The following CDYL2 variants were observed in gnomAD, a reference collection of about 807,000 sequenced individuals.
The protein encoded by CDYL2 is chromodomain Y like 2.
In CDYL2, 23 loss-of-function variants were observed where a neutral mutation model predicts 49.4. That is an observed-to-expected ratio of 0.47 (90% CI 0.34 to 0.66). CDYL2 has a LOEUF of 0.66. Among genes scored for constraint, CDYL2 ranks in the 30% least tolerant of loss-of-function variants. CDYL2 has a pLI of 0.01. For synonymous variants in CDYL2, 360 were observed against 268.8 expected (o/e 1.34, Z -3.32); for missense variants, 678 against 656.4 (o/e 1.03, Z -0.36).
chr16:80,655,003 C>T (rs780343365), intron 2 of CDYL2, among the ~76,000 whole-genome samples: 2 of 152,216 alleles, frequency 1.3e-5, no homozygotes, highest in African/African-American at 2.4e-5. Context: ...GCGGCCCAGG[C>T]AGATCCAGGG....
intron 2 of CDYL2, among the ~76,000 whole-genome samples, chr16:80,657,466 C>A (rs1318781838): frequency 6.6e-6 from 1 of 152,030 alleles, no homozygotes; most frequent in Non-Finnish European, 1.5e-5. Context: ...AAAAAATGAA[C>A]AAAAGACAGA....
intron 3 of CDYL2, among the ~76,000 whole-genome samples, chr16:80,622,411 C>T (rs1292138419): frequency 2.0e-5 from 3 of 152,114 alleles, no homozygotes; most frequent in Non-Finnish European, 4.4e-5. Context: ...TCTCCTCCCC[C>T]TATTCTCCCT....
In CDYL2 at chr16:80,612,762, C is replaced by T. The variant is rs1364579076; in HGVS notation, c.1082G>A (p.Gly361Asp). 1.2e-6 allele frequency: 2 copies of T among 1,613,692 alleles called. No individual in the cohort carries two copies. The highest frequency in any genetic ancestry group is 2.2e-5 in the East Asian group (1 of 44,894). Residue 361 changes from glycine (G) to aspartate (D), a missense_variant, in exon 5 of 7, where the codon GGT becomes GAT. Physicochemically the swap from Gly to Asp is moderately conservative, Grantham distance 94. Transcript: ENST00000570137. This position sits in a 1 kb window ranked among gnomAD's most constrained non-coding sequence, Gnocchi z 5.0. ...GTCACAGAGGGGCAGGATGGAGGCA[C>T]CCAGGCCCAGGGCCGGCCCATTGAT... ...VAINGPALGL[G>D]ASILPLCDIV...
chr16:80,652,593 G>C (rs1226611505), intron 2 of CDYL2, among the ~76,000 whole-genome samples: 1 of 152,206 alleles, frequency 6.6e-6, no homozygotes, highest in Non-Finnish European at 1.5e-5. Context: ...CATCCCAAGA[G>C]CACAGTGTGT....
intron 1 of CDYL2, among the ~76,000 whole-genome samples, chr16:80,719,887 G>A (rs560499743): frequency 6.6e-6 from 1 of 152,300 alleles, no homozygotes; most frequent in Middle Eastern, 3.4e-3. Context: ...GCTACCTGCT[G>A]TCCAACCCTG....
chr16:80,631,118 C>G (rs1271327654), intron 3 of CDYL2, among the ~76,000 whole-genome samples: 2 of 152,224 alleles, frequency 1.3e-5, no homozygotes, highest in Non-Finnish European at 2.9e-5. Flanking sequence ...AAGAACAGAA[C>G]CCCTGCCCTC....
chr16:80,784,872 G>A (rs563463892), intron 1 of CDYL2, among the ~76,000 whole-genome samples: 1 of 152,292 alleles, frequency 6.6e-6, no homozygotes, highest in South Asian at 2.1e-4. Context: ...GGCATCCTTA[G>A]TGAAACAAGG....
intron 2 of CDYL2, among the ~76,000 whole-genome samples, chr16:80,637,161 C>T (rs1029404544): frequency 1.3e-5 from 2 of 151,764 alleles, no homozygotes; most frequent in African/African-American, 2.4e-5. Flanking sequence ...ATGTAACAAA[C>T]CTGCACGTTC....
At chr16:80,697,556 T>G (rs1904281327) in intron 1 of CDYL2, among the ~76,000 whole-genome samples, 1 of 152,274 alleles carries the variant, frequency 6.6e-6, no homozygotes, top group South Asian at 2.1e-4. Flanking sequence ...AACATAGTAT[T>G]GGAAGTCCTA....
chr16:80,765,470 C>A (rs1051126181), intron 1 of CDYL2, among the ~76,000 whole-genome samples: 4 of 151,496 alleles, frequency 2.6e-5, no homozygotes, highest in Non-Finnish European at 4.4e-5. Context: ...AGCAATTATA[C>A]CCCCAATTAA....
chr16:80,639,032 T>C (rs1293918896), intron 2 of CDYL2, among the ~76,000 whole-genome samples: 1 of 152,172 alleles, frequency 6.6e-6, no homozygotes, highest in Non-Finnish European at 1.5e-5. Flanking sequence ...AATTTTAAAA[T>C]GGGCAAAAGA....
chr16:80,608,123 C>T lies in CDYL2; in HGVS notation c.1331G>A (p.Arg444Gln), dbSNP rs1168038281. Reference sequence around the variant, plus strand: ...ACTGCAGGATGCCATCTCCTTGACCCGCAGCATGACCTCCTGGCTGAACGT... The same window carrying T: ...ACTGCAGGATGCCATCTCCTTGACCTGCAGCATGACCTCCTGGCTGAACGT... The part of the protein sequence containing the change: ...PTTFSQEVML[R>Q]VKEMASCSAV... Residue 444 changes from arginine to glutamine, a missense_variant, in exon 6 of 7, where the codon CGG becomes CAG. Arg to Gln is a conservative substitution (Grantham distance 43). Around this residue, in one of 3 missense-constraint regions of CDYL2, gnomAD observed 153 missense variants for 150.6 expected, o/e 1.02. Transcript: ENST00000570137. 1 of 1,602,308 alleles carries T rather than the reference C, an allele frequency of 6.2e-7. No homozygotes were observed. The highest frequency in any genetic ancestry group is 8.5e-7 in the Non-Finnish European group (1 of 1,174,522).
chr16:80,714,971 G>A (rs17826509), intron 1 of CDYL2, among the ~76,000 whole-genome samples: 39,141 of 151,960 alleles, frequency 0.26, 6,450 homozygotes, highest in Middle Eastern at 0.48. Context: ...CATGACCAGA[G>A]CTGTGGAGTC....
intron 2 of CDYL2, among the ~76,000 whole-genome samples, chr16:80,673,716 T>C (rs978286657): frequency 2.6e-5 from 4 of 152,160 alleles, no homozygotes; most frequent in African/African-American, 7.2e-5. Flanking sequence ...TCCTTAAAGA[T>C]CTCATATCCT....
intron 1 of CDYL2, among the ~76,000 whole-genome samples, chr16:80,733,069 T>C (rs1437891168): frequency 6.6e-6 from 1 of 152,088 alleles, no homozygotes; most frequent in African/African-American, 2.4e-5. Flanking sequence ...ATGTAGCCTA[T>C]ATCTACTGAT....
chr16:80,799,285 T>A (rs1355223954), intron 1 of CDYL2, among the ~76,000 whole-genome samples: 1 of 152,176 alleles, frequency 6.6e-6, no homozygotes, highest in Non-Finnish European at 1.5e-5. Context: ...TTTTTAGAGA[T>A]GCTTTCAAAA....
chr16:80,700,587 G>A (rs898380700), intron 1 of CDYL2, among the ~76,000 whole-genome samples: 33 of 152,254 alleles, frequency 2.2e-4, no homozygotes, highest in African/African-American at 7.7e-4. Flanking sequence ...ACTAATCAGG[G>A]AAATGAAAAT....
chr16:80,634,613 C>A (rs368973909), intron 2 of CDYL2, among the ~76,000 whole-genome samples: 3 of 151,898 alleles, frequency 2.0e-5, no homozygotes, highest in East Asian at 3.9e-4. Flanking sequence ...GCACATTGTG[C>A]ACATGTACCC....
chr16:80,788,726 T>C (rs1567607090), intron 1 of CDYL2, among the ~76,000 whole-genome samples: 1 of 152,202 alleles, frequency 6.6e-6, no homozygotes, highest in African/African-American at 2.4e-5. Flanking sequence ...TTATGAATCA[T>C]AAGATGGAGA....
Sources: gnomAD v4.1 joint callset for allele counts (sites outside exome capture counted in the v4.1 genomes callset) on GRCh38, gnomAD v4.1.1 for gene constraint, gnomAD v4.1.1 regional missense constraint, Gnocchi (gnomAD v3.1) non-coding constraint, MANE v1.5 for transcripts, NCBI Gene and HGNC (gene_info 2026-07-23, HGNC 2026-07-21) for gene names.